The following ZNF26 variants were observed in gnomAD, a reference collection of about 807,000 sequenced individuals.
ZNF26 encodes the protein zinc finger protein 26.
In ZNF26, 32 loss-of-function variants were observed where a neutral mutation model predicts 54.9. The ratio of observed to expected loss-of-function variants is 0.58; its 90% CI spans 0.44 to 0.78. ZNF26 has a LOEUF of 0.78. Among genes scored for constraint, ZNF26 ranks in the 30% least tolerant of loss-of-function variants. ZNF26 has a pLI of 0.00. For synonymous variants in ZNF26, 221 were observed against 209.2 expected, an observed-to-expected ratio of 1.06 and a Z score of -0.49; for missense variants, 524 against 634.0, an observed-to-expected ratio of 0.83 and a Z score of 1.86.
chr12:132,987,732 C>G (rs2137202325), intron 1 of ZNF26: 1 of 985,390 alleles, frequency 1.0e-6, no homozygotes. Context: ...CGTGGAAGCT[C>G]AGAGTGTGAC....
In ZNF26 at chr12:133,024,886, C is replaced by A. The variant is rs1953682248; in HGVS notation, c.*13405C>A. 6.6e-6 allele frequency: 1 copy of A among 152,048 alleles called. No individual in the cohort carries two copies. Among genetic ancestry groups the A allele is most frequent in the Admixed American group, 6.6e-5 (1 of 15,252 alleles). 9.4% of individuals were successfully genotyped at this position (152,048 alleles called of 1,614,324 possible). A position where few individuals can be genotyped will look rare whatever the true frequency, so the allele number is the denominator to read the frequency against. On this transcript the variant is annotated 3_prime_UTR_variant, in exon 4 of 4. Transcript: ENST00000328654. ...GGGTTGTACACAGATAGCTAAAAATCCCACACGTTCTTAAAAACAGTGATG... is the reference window on the plus strand; with the variant it reads ...GGGTTGTACACAGATAGCTAAAAATACCACACGTTCTTAAAAACAGTGATG...
In ZNF26 at chr12:133,001,671, TG is replaced by T; in HGVS notation, c.34-5370del. 5 of 1,289,058 alleles carry T rather than the reference TG, an allele frequency of 3.9e-6. No homozygotes were observed. The highest frequency in any genetic ancestry group is 5.1e-6 in the Non-Finnish European group (5 of 988,664). 79.9% of individuals were successfully genotyped at this position (1,289,058 alleles called of 1,614,324 possible). A position where few individuals can be genotyped will look rare whatever the true frequency, so the allele number is the denominator to read the frequency against. On this transcript the variant is annotated intron_variant, in intron 1 of 3. Coordinates refer to ENST00000328654, the MANE Select transcript of ZNF26 (RefSeq NM_019591.4). This position sits in a 1 kb window ranked among gnomAD's most constrained non-coding sequence, Gnocchi z 4.7. ...GGAGGAGCCTGCTAATGAGCTCAAG[TG>T]TCAAGTTCGGGAATCTTCTGGGTGT...
rs753254635 is a variant in ZNF26, at chr12:132,993,735, C to T, written c.33+6862C>T. On this transcript the variant is annotated intron_variant, in intron 1 of 3. Coordinates refer to ENST00000328654, the MANE Select transcript of ZNF26 (RefSeq NM_019591.4). ...CCTCCCAGAGTGCTGGGATTACAGG[C>T]GTGAGCCACGGCGCGTGGTTGCCCT... Among the ~76,000 whole-genome samples the T allele has an allele frequency of 7.2e-5, 11 of 152,128 alleles. No homozygotes were observed. The South Asian group carries it at 1.5e-3, about 20-fold the overall frequency.
chr12:132,997,595 G>A (rs1191925780), intron 1 of ZNF26, among the ~76,000 whole-genome samples: 7 of 152,314 alleles, frequency 4.6e-5, no homozygotes, highest in African/African-American at 1.7e-4. Context: ...TAGGGTGCCT[G>A]ATATTGCAGA....
At chr12:132,991,566 G>A (rs1157203610) in intron 1 of ZNF26, among the ~76,000 whole-genome samples, 7 of 151,670 alleles carry the variant, frequency 4.6e-5, no homozygotes, top group Non-Finnish European at 1.0e-4. Context: ...GGAGACTGAA[G>A]CCAGGAGTTT....
chr12:132,987,860 C>A, intron 1 of ZNF26: 1 of 349,578 alleles, frequency 2.9e-6, no homozygotes, highest in Non-Finnish European at 4.0e-6. Flanking sequence ...TGGATTTCTC[C>A]CCCTGTGAGT....
chr12:132,993,175 C>T (rs1232665790), intron 1 of ZNF26, among the ~76,000 whole-genome samples: 2 of 151,748 alleles, frequency 1.3e-5, no homozygotes, highest in African/African-American at 2.4e-5. Flanking sequence ...CAGGTGCGCA[C>T]CACCGTGCCT....
chr12:133,018,891 C>A lies in ZNF26; in HGVS notation c.*7410C>A, dbSNP rs1221468292. The stretch of plus-strand genomic sequence containing the variant: ...TATAGGCATGAGCCAGCGCACCTGG[C>A]CAGTAATAACATTAAATGTGAATAG... On this transcript the variant is annotated 3_prime_UTR_variant, in exon 4 of 4. Transcript: ENST00000328654. 1.3e-5 allele frequency: 2 copies of A among 151,872 alleles called. No homozygotes were observed. The highest frequency in any genetic ancestry group is 2.9e-5 in the Non-Finnish European group (2 of 68,010). The allele number at this position is 151,872 out of a possible 1,614,324, so 9.4% of individuals were successfully genotyped here. A position where few individuals can be genotyped will look rare whatever the true frequency, so the allele number is the denominator to read the frequency against.
chr12:132,998,587 G>A (rs1356044806), intron 1 of ZNF26, among the ~76,000 whole-genome samples: 3 of 152,128 alleles, frequency 2.0e-5, no homozygotes, highest in African/African-American at 7.2e-5. Flanking sequence ...CTGTCTTCTC[G>A]AGATCCCAAA....
At chr12:132,996,922 C>T (rs997053559) in intron 1 of ZNF26, among the ~76,000 whole-genome samples, 2 of 142,278 alleles carry the variant, frequency 1.4e-5, no homozygotes, top group African/African-American at 5.2e-5. Context: ...GTTTTGTTTT[C>T]TTAGAAAGAA....
Position 133,021,258 on chromosome 12 carries a change from C to G in ZNF26, c.*9777C>G, listed in dbSNP as rs1953637427. On this transcript the variant is annotated 3_prime_UTR_variant, in exon 4 of 4. Coordinates refer to ENST00000328654, the MANE Select transcript of ZNF26 (RefSeq NM_019591.4). ...CTCAGCCTCCTGGGTTCAAGTGATT[C>G]TCCAGCCTCAGCCTCCTGAGTAGCT... 6.6e-6 allele frequency: 1 copy of G among 151,492 alleles called. No individual in the cohort carries two copies. Among genetic ancestry groups the G allele is most frequent in the African/African-American group, 2.4e-5 (1 of 41,266 alleles). The allele number at this position is 151,492 out of a possible 1,614,324, so 9.4% of individuals were successfully genotyped here.
rs1027322573 is a variant in ZNF26 at position 133,015,178 on chromosome 12, A to C, written c.*3697A>C. 1.3e-5 allele frequency: 2 copies of C among 151,920 alleles called. No homozygotes were observed. Among genetic ancestry groups the C allele is most frequent in the African/African-American group, 4.8e-5 (2 of 41,348 alleles). The allele number at this position is 151,920 out of a possible 1,614,324, so 9.4% of individuals were successfully genotyped here. A position where few individuals can be genotyped will look rare whatever the true frequency, so the allele number is the denominator to read the frequency against. ...AGTTCAGCCTGGCCAATATGGTGAA[A>C]TCCCGTCTCAACTAAAAATACAAAA... On this transcript the variant is annotated 3_prime_UTR_variant, in exon 4 of 4. Transcript: ENST00000328654.
intron 1 of ZNF26, chr12:133,004,658 T>C (rs1953286390): frequency 6.6e-6 from 1 of 152,156 alleles, no homozygotes; most frequent in Non-Finnish European, 1.5e-5. Context: ...CACATTTTTT[T>C]GTTATTTGTA....
chr12:132,993,027 CT>C (rs71079156), intron 1 of ZNF26, among the ~76,000 whole-genome samples: 120 of 129,398 alleles, frequency 9.3e-4, no homozygotes, highest in Admixed American at 8.8e-4. Flanking sequence ...ACTAGTATTT[CT>C]TTTTTTTTTT....
chr12:133,001,745 A>G lies in ZNF26; in HGVS notation c.34-5297A>G, dbSNP rs2137238994. 1.6e-6 allele frequency: 2 copies of G among 1,285,106 alleles called. No individual in the cohort carries two copies. The highest frequency in any genetic ancestry group is 4.4e-4 in the Middle Eastern group (2 of 4,526). 79.6% of individuals were successfully genotyped at this position (1,285,106 alleles called of 1,614,324 possible). On this transcript the variant is annotated intron_variant, in intron 1 of 3. Coordinates refer to ENST00000328654, the MANE Select transcript of ZNF26 (RefSeq NM_019591.4). This position sits in a 1 kb window ranked among gnomAD's most constrained non-coding sequence, Gnocchi z 4.7. ...GCCCTGCCTGAGGTGAGCCGCAGGG[A>G]GGCGGGGCCCTGTTTGAGGTGAGCT...
At position 133,014,204 on chromosome 12, in the gene ZNF26, C is replaced by T. The variant is rs959959412; in HGVS notation, c.*2723C>T. The T allele has an allele frequency of 1.3e-5, 2 of 152,314 alleles. No individual in the cohort carries two copies. Among genetic ancestry groups the T allele is most frequent in the Admixed American group, 1.3e-4 (2 of 15,290 alleles). The allele number at this position is 152,314 out of a possible 1,614,324, so 9.4% of individuals were successfully genotyped here. A position where few individuals can be genotyped will look rare whatever the true frequency, so the allele number is the denominator to read the frequency against. On this transcript the variant is annotated 3_prime_UTR_variant, in exon 4 of 4. Coordinates refer to ENST00000328654, the MANE Select transcript of ZNF26 (RefSeq NM_019591.4). ...TGCAGGAATGAGTAATGTATCAAAA[C>T]TTCTCAGCATGACAACACCCAGGGC...
rs1953554857 is a variant in ZNF26, at chr12:133,015,456, C to T, written c.*3975C>T. The stretch of plus-strand genomic sequence containing the variant: ...TCTATGTCTTCACTTGCATCGGCCT[C>T]AATTATCAACTTGTGGCAAAAGAAT... On this transcript the variant is annotated 3_prime_UTR_variant, in exon 4 of 4. Transcript: ENST00000328654. 6.6e-6 allele frequency: 1 copy of T among 151,070 alleles called. No homozygotes were observed. The highest frequency in any genetic ancestry group is 1.5e-5 in the Non-Finnish European group (1 of 67,916). The allele number at this position is 151,070 out of a possible 1,614,324, so 9.4% of individuals were successfully genotyped here. A position where few individuals can be genotyped will look rare whatever the true frequency, so the allele number is the denominator to read the frequency against.
intron 1 of ZNF26, among the ~76,000 whole-genome samples, chr12:132,991,673 TG>T (rs1184362919): frequency 2.0e-5 from 3 of 148,742 alleles, no homozygotes; most frequent in Non-Finnish European, 4.4e-5. Flanking sequence ...TGTGCTAGTG[TG>T]CACCTGTAGC....
At chr12:133,003,963 G>A (rs1593658541) in intron 1 of ZNF26, among the ~76,000 whole-genome samples, 1 of 152,128 alleles carries the variant, frequency 6.6e-6, no homozygotes, top group Non-Finnish European at 1.5e-5. Context: ...AATTATTTAT[G>A]CTAATTCTGT....
Sources: allele counts gnomAD v4.1 joint callset (sites outside exome capture counted in the v4.1 genomes callset), GRCh38; gene constraint gnomAD v4.1.1; non-coding constraint Gnocchi (gnomAD v3.1); transcripts MANE v1.5; gene names NCBI Gene and HGNC (gene_info 2026-07-23, HGNC 2026-07-21).